Variants in GRIP1 observed in about 807,000 individuals in gnomAD.
GRIP1 encodes glutamate receptor-interacting protein 1.
Under a neutral mutation model 129.9 loss-of-function variants are expected in GRIP1, and 45 were observed. The observed-to-expected ratio is 0.35, with a 90% CI of 0.27 to 0.44. GRIP1 has a LOEUF of 0.44. GRIP1 is among the 20% of genes least tolerant of loss of function. The pLI is 1.00. For synonymous variants in GRIP1, 530 were observed against 520.8 expected, an observed-to-expected ratio of 1.02 and a Z score of -0.24; for missense variants, 1,196 against 1,396.8, an observed-to-expected ratio of 0.86 and a Z score of 2.29.
At chr12:66,451,858 C>A (rs1049404004) in intron 11 of GRIP1, among the ~76,000 whole-genome samples, 1 of 152,158 alleles carries the variant, frequency 6.6e-6, no homozygotes, top group Admixed American at 6.5e-5. Context: ...CTTAGGGTGT[C>A]TTCTTCAGGG....
intron 1 of GRIP1, among the ~76,000 whole-genome samples, chr12:66,620,550 C>T (rs1021469280): frequency 6.6e-6 from 1 of 152,080 alleles, no homozygotes; most frequent in Non-Finnish European, 1.5e-5. Flanking sequence ...AAGAGATGTT[C>T]AAAGAACAAT....
At chr12:66,943,326 C>A (rs970818267) in intron 1 of GRIP1, among the ~76,000 whole-genome samples, 1 of 152,170 alleles carries the variant, frequency 6.6e-6, no homozygotes, top group Non-Finnish European at 1.5e-5. Context: ...ATTCCAGGAA[C>A]AAATGCCCAC....
chr12:66,349,332 G>T (rs1000528451), intron 24 of GRIP1, 86 bp from the exon 25 acceptor site: 2 of 1,100,844 alleles, frequency 1.8e-6, no homozygotes, highest in African/African-American at 1.5e-5. Flanking sequence ...GCAACAAGTT[G>T]TTTGAAGTCA....
chr12:66,403,935 G>T (rs1455471669), intron 16 of GRIP1, among the ~76,000 whole-genome samples: 1 of 152,162 alleles, frequency 6.6e-6, no homozygotes, highest in Non-Finnish European at 1.5e-5. Flanking sequence ...TTCATCTCTG[G>T]CTTGGCTTTT....
At chr12:66,802,554 G>GT (rs1443391481) in intron 1 of GRIP1, among the ~76,000 whole-genome samples, 1 of 152,020 alleles carries the variant, frequency 6.6e-6, no homozygotes, top group Non-Finnish European at 1.5e-5. Flanking sequence ...TAATTCTATT[G>GT]TTTTTAAATT....
At chr12:66,985,075 C>G (rs528905576) in intron 1 of GRIP1, among the ~76,000 whole-genome samples, 2 of 152,234 alleles carry the variant, frequency 1.3e-5, no homozygotes, top group East Asian at 3.9e-4. Context: ...GGGACATCAG[C>G]CAGTATACGT....
intron 1 of GRIP1, among the ~76,000 whole-genome samples, chr12:66,613,877 G>A (rs919256194): frequency 3.3e-5 from 5 of 152,136 alleles, no homozygotes; most frequent in African/African-American, 1.2e-4. Flanking sequence ...ACAGTATTAG[G>A]TACCATCCAC....
intron 1 of GRIP1, among the ~76,000 whole-genome samples, chr12:67,050,943 C>T (rs1236247402): frequency 3.9e-5 from 6 of 152,114 alleles, no homozygotes; most frequent in Non-Finnish European, 8.8e-5. Flanking sequence ...GAGGAAACTA[C>T]GGGAATGTCA....
intron 23 of GRIP1, among the ~76,000 whole-genome samples, chr12:66,368,190 A>G (rs894749807): frequency 3.3e-5 from 5 of 152,200 alleles, no homozygotes; most frequent in Non-Finnish European, 7.3e-5. Flanking sequence ...CCAATGCATT[A>G]TTCTTTTTGT....
intron 1 of GRIP1, among the ~76,000 whole-genome samples, chr12:67,068,696 C>T (rs990230664): frequency 6.6e-5 from 10 of 151,600 alleles, no homozygotes; most frequent in Admixed American, 2.0e-4. Context: ...ACCATCACCC[C>T]CCAGCACCCA....
chr12:67,023,066 T>C (rs1008693461), intron 1 of GRIP1, among the ~76,000 whole-genome samples: 2 of 152,218 alleles, frequency 1.3e-5, no homozygotes, highest in African/African-American at 2.4e-5. Flanking sequence ...GGATCAGATA[T>C]ATGTTTCACA....
chr12:67,022,798 C>G (rs2042887804), intron 1 of GRIP1, among the ~76,000 whole-genome samples: 1 of 152,022 alleles, frequency 6.6e-6, no homozygotes, highest in Non-Finnish European at 1.5e-5. Context: ...AGGTATGCAT[C>G]CTGTCATCCA....
chr12:66,865,680 C>T (rs532049665), intron 1 of GRIP1, among the ~76,000 whole-genome samples: 11 of 151,986 alleles, frequency 7.2e-5, no homozygotes, highest in Non-Finnish European at 1.3e-4. Context: ...CTCATTATCT[C>T]CCCCTCAGCT....
intron 1 of GRIP1, among the ~76,000 whole-genome samples, chr12:66,765,574 A>G (rs1000518249): frequency 6.6e-6 from 1 of 152,220 alleles, no homozygotes; most frequent in African/African-American, 2.4e-5. Context: ...GGGTTGGGAT[A>G]TCTAATCCTC....
Position 66,642,040 on chromosome 12 carries a change from A to G in GRIP1, c.55+36810T>C, listed in dbSNP as rs73128807. Reference sequence around the variant, plus strand: ...AGTTACAATGTGAATTACAATGCCAAACAAGACACAGAGCTTGGACGACCT... The same window carrying G: ...AGTTACAATGTGAATTACAATGCCAGACAAGACACAGAGCTTGGACGACCT... On this transcript the variant is annotated intron_variant, in intron 1 of 24. Coordinates refer to ENST00000359742, the MANE Select transcript of GRIP1 (RefSeq NM_001366722.1). 6.6e-3 allele frequency among the ~76,000 whole-genome samples: 1,006 copies of G among 152,292 alleles called. 5 individuals are homozygous for G. The highest frequency in any genetic ancestry group is 0.011 in the Non-Finnish European group (738 of 68,010).
chr12:66,822,000 T>TTGTGTGTGTGTG (rs145504310), intron 1 of GRIP1, among the ~76,000 whole-genome samples: 1 of 150,430 alleles, frequency 6.6e-6, no homozygotes, highest in African/African-American at 2.4e-5. Flanking sequence ...CACTTCCATC[T>TTGTGTGTGTGTG]TGTGTGTGTG....
At chr12:66,600,557 T>A (rs2064233497) in intron 1 of GRIP1, among the ~76,000 whole-genome samples, 1 of 152,234 alleles carries the variant, frequency 6.6e-6, no homozygotes, top group African/African-American at 2.4e-5. Context: ...TACTTCTGCT[T>A]TTCTTTTTCT....
intron 1 of GRIP1, among the ~76,000 whole-genome samples, chr12:66,886,351 G>T (rs1486393174): frequency 6.6e-6 from 1 of 152,002 alleles, no homozygotes; most frequent in African/African-American, 2.4e-5. Flanking sequence ...ATAATAAAAT[G>T]ACTAATTTTA....
In GRIP1 at chr12:66,979,571, T is replaced by C. The variant is rs2042214022; in HGVS notation, c.58+89479A>G. On this transcript the variant is annotated intron_variant, in intron 1 of 1. Transcript: ENST00000643019. ...GCCATGAACCCACATTGAACAAACC[T>C]CAGTTCTGAGAGACACTATGTTATG... is the stretch of plus-strand genomic sequence containing the variant. 2.0e-5 allele frequency among the ~76,000 whole-genome samples: 3 copies of C among 152,124 alleles called. No individual in the cohort carries two copies. The South Asian group carries it at 6.2e-4, about 32-fold the overall frequency.
Sources: gnomAD v4.1 joint callset for allele counts (sites outside exome capture counted in the v4.1 genomes callset) on GRCh38, gnomAD v4.1.1 for gene constraint, MANE v1.5 for transcripts, NCBI Gene and HGNC (gene_info 2026-07-23, HGNC 2026-07-21) for gene names.